The following SDCCAG8 variants were observed in gnomAD, a reference collection of about 807,000 sequenced individuals.
SDCCAG8 encodes SHH signaling and ciliogenesis regulator SDCCAG8, also known as serologically defined colon cancer antigen 8.
SDCCAG8 carries 74 observed loss-of-function variants against 101.8 expected under a neutral mutation model. The observed-to-expected ratio is 0.73, with a 90% CI of 0.60 to 0.88. SDCCAG8 has a LOEUF of 0.88. Among genes scored for constraint, SDCCAG8 ranks in the 40% least tolerant of loss-of-function variants. SDCCAG8 has a pLI of 0.00. For synonymous variants in SDCCAG8, 281 were observed against 292.9 expected (o/e 0.96, Z 0.41); for missense variants, 787 against 822.6 (o/e 0.96, Z 0.53).
chr1:243,389,463 G>T (rs1207176658), intron 13 of SDCCAG8, among the ~76,000 whole-genome samples: 2 of 152,108 alleles, frequency 1.3e-5, no homozygotes, highest in African/African-American at 4.8e-5. Flanking sequence ...GCCCATGATG[G>T]CTGCTTGTTA....
intron 13 of SDCCAG8, among the ~76,000 whole-genome samples, chr1:243,393,518 GT>G (rs1237920457): frequency 7.0e-6 from 1 of 142,542 alleles, no homozygotes; most frequent in African/African-American, 2.6e-5. Flanking sequence ...GGAAAATTGA[GT>G]TGAATTGTGT....
At chr1:243,413,326 C>T (rs1011066787) in intron 13 of SDCCAG8, among the ~76,000 whole-genome samples, 1 of 152,174 alleles carries the variant, frequency 6.6e-6, no homozygotes, top group African/African-American at 2.4e-5. Context: ...ATGCCTCAGC[C>T]TCCCAAGTAG....
chr1:243,283,474 A>G (rs1430590005), intron 4 of SDCCAG8, among the ~76,000 whole-genome samples: 1 of 148,690 alleles, frequency 6.7e-6, no homozygotes, highest in Non-Finnish European at 1.5e-5. Flanking sequence ...TTCTTGTATA[A>G]TTTTTCTGTC....
intron 16 of SDCCAG8, among the ~76,000 whole-genome samples, chr1:243,448,412 T>G (rs2083094179): frequency 6.6e-6 from 1 of 152,248 alleles, no homozygotes; most frequent in South Asian, 2.1e-4. Flanking sequence ...TTATTTTATT[T>G]ATAGTTCTTT....
In SDCCAG8 at chr1:243,261,209, C is replaced by G. The variant is rs546686185; in HGVS notation, c.67+4969C>G. Among the ~76,000 whole-genome samples the G allele has an allele frequency of 4.0e-4, 61 of 152,218 alleles. No homozygotes were observed. The Middle Eastern group carries it at 0.01, about 25-fold the overall frequency. On this transcript the variant is annotated intron_variant, in intron 1 of 17. Transcript: ENST00000366541. ...CTTCTCTCTTTTTCCCTCTTTTCCT[C>G]CCTCTTTTCTTCCAAGAAGGAAGCC... is the stretch of plus-strand genomic sequence containing the variant.
At chr1:243,341,587 C>A (rs1261232127) in intron 11 of SDCCAG8, among the ~76,000 whole-genome samples, 4 of 152,142 alleles carry the variant, frequency 2.6e-5, no homozygotes, top group African/African-American at 7.2e-5. Flanking sequence ...CATATATTGA[C>A]AACTTAAAAG....
At chr1:243,308,427 G>A (rs2072379624) in intron 8 of SDCCAG8, among the ~76,000 whole-genome samples, 2 of 152,228 alleles carry the variant, frequency 1.3e-5, no homozygotes, top group Admixed American at 6.5e-5. Context: ...CTTGGTTTCA[G>A]TCCATCTTCA....
chr1:243,461,576 A>G (rs1204883818), intron 16 of SDCCAG8, among the ~76,000 whole-genome samples: 1 of 152,142 alleles, frequency 6.6e-6, no homozygotes, highest in African/African-American at 2.4e-5. Context: ...TGCACTGATG[A>G]GAGATGTTTT....
intron 13 of SDCCAG8, among the ~76,000 whole-genome samples, chr1:243,381,293 A>G (rs1003054601): frequency 6.6e-6 from 1 of 152,296 alleles, no homozygotes; most frequent in Admixed American, 6.5e-5. Context: ...ATGGGATTTT[A>G]AAACGGTAAA....
chr1:243,387,198 AT>A (rs2078361345), intron 13 of SDCCAG8, among the ~76,000 whole-genome samples: 1 of 152,142 alleles, frequency 6.6e-6, no homozygotes, highest in African/African-American at 2.4e-5. Context: ...CGTTTATGTG[AT>A]TCTTATTAAC....
In SDCCAG8 at chr1:243,293,189, A is replaced by C; in HGVS notation, c.645A>C (p.Lys215Asn). Reference protein sequence around the residue: ...PFSHDNADFGKAASAGEQLEL... With the variant: ...PFSHDNADFGNAASAGEQLEL... The stretch of plus-strand genomic sequence containing the variant: ...CCCATGACAATGCAGATTTTGGCAA[A>C]GCTGCATCTGCTGGTGAGCAGCTAG... Residue 215 changes from lysine to asparagine, a missense_variant, in exon 6 of 18, where the codon AAA becomes AAC. Physicochemically the swap from Lys to Asn is moderately conservative, Grantham distance 94. Coordinates refer to ENST00000366541, the MANE Select transcript of SDCCAG8 (RefSeq NM_006642.5). 6.2e-7 allele frequency: 1 copy of C among 1,614,158 alleles called. No individual in the cohort carries two copies. The highest frequency in any genetic ancestry group is 2.2e-5 in the East Asian group (1 of 44,886).
intron 12 of SDCCAG8, among the ~76,000 whole-genome samples, chr1:243,350,576 T>C (rs1173345882): frequency 6.6e-6 from 1 of 152,164 alleles, no homozygotes; most frequent in Non-Finnish European, 1.5e-5. Context: ...AGTTGAAGAA[T>C]TGTACCTTTT....
At chr1:243,335,142 GTTATGGCT>G (rs1482379031) in intron 10 of SDCCAG8, among the ~76,000 whole-genome samples, 19 of 152,220 alleles carry the variant, frequency 1.2e-4, no homozygotes, top group Non-Finnish European at 7.3e-5. Context: ...CCATTGGGAA[GTTATGGCT>G]AAAATGCTGA....
At chr1:243,359,573 G>C (rs1439475694) in intron 12 of SDCCAG8, among the ~76,000 whole-genome samples, 1 of 152,158 alleles carries the variant, frequency 6.6e-6, no homozygotes, top group East Asian at 1.9e-4. Context: ...GTGTGTACCT[G>C]GAGGGCACAA....
chr1:243,285,502 C>T (rs1227626262), intron 4 of SDCCAG8, among the ~76,000 whole-genome samples: 1 of 152,084 alleles, frequency 6.6e-6, no homozygotes, highest in Non-Finnish European at 1.5e-5. Context: ...TTTATTATAG[C>T]TTTGGGTTTT....
chr1:243,340,251 A>G (rs921052469), intron 10 of SDCCAG8, among the ~76,000 whole-genome samples: 25 of 152,324 alleles, frequency 1.6e-4, no homozygotes, highest in African/African-American at 1.2e-4. Flanking sequence ...TGATGGAGGT[A>G]TATATACTGA....
intron 10 of SDCCAG8, among the ~76,000 whole-genome samples, chr1:243,336,774 T>G (rs527710366): frequency 1.3e-5 from 2 of 152,244 alleles, no homozygotes; most frequent in Admixed American, 6.5e-5. Flanking sequence ...CACTTTTTCA[T>G]GTTTGTTGGC....
intron 13 of SDCCAG8, among the ~76,000 whole-genome samples, chr1:243,390,155 TC>T (rs1415474995): frequency 6.6e-6 from 1 of 152,230 alleles, no homozygotes; most frequent in African/African-American, 2.4e-5. Flanking sequence ...ATCTTTTTTT[TC>T]CTCCTGAGTT....
chr1:243,484,942 G>T (rs760128393), intron 16 of SDCCAG8, among the ~76,000 whole-genome samples: 5 of 152,062 alleles, frequency 3.3e-5, no homozygotes, highest in Non-Finnish European at 5.9e-5. Context: ...TACCTGGGAG[G>T]CTGAGGCAGG....
Sources: allele counts gnomAD v4.1 joint callset (sites outside exome capture counted in the v4.1 genomes callset), GRCh38; gene constraint gnomAD v4.1.1; transcripts MANE v1.5; gene names NCBI Gene and HGNC (gene_info 2026-07-23, HGNC 2026-07-21).